Variants in KAZN observed in about 807,000 individuals in gnomAD.
KAZN encodes the protein kazrin.
In KAZN, 40 loss-of-function variants were observed where a neutral mutation model predicts 87.4. That is an observed-to-expected ratio of 0.46 (90% CI 0.36 to 0.60). The LOEUF (loss-of-function observed/expected upper bound fraction) is 0.60, where lower values mean the gene tolerates loss of function less well. KAZN is among the 20% of genes least tolerant of loss of function. The probability of loss-of-function intolerance (pLI) is 0.00; values close to 1 mark genes in which losing one functional copy is unlikely to be tolerated. For synonymous variants in KAZN, 466 were observed against 458.3 expected (o/e 1.02, Z -0.22); for missense variants, 898 against 1,073.9 (o/e 0.84, Z 2.29).
At chr1:14,419,444 T>C (rs983705373) in intron 2 of KAZN, among the ~76,000 whole-genome samples, 3 of 152,184 alleles carry the variant, frequency 2.0e-5, no homozygotes, top group Admixed American at 6.5e-5. Context: ...CCAAAGCCTG[T>C]GCTCTGTCCA....
chr1:14,702,041 G>A (rs138792731), intron 1 of KAZN, among the ~76,000 whole-genome samples: 111 of 152,278 alleles, frequency 7.3e-4, no homozygotes, highest in Non-Finnish European at 1.2e-3. Context: ...GCACATCTTC[G>A]CCTCTGGTCC....
intron 1 of KAZN, among the ~76,000 whole-genome samples, chr1:14,646,457 A>T (rs1237203158): frequency 6.6e-6 from 1 of 152,208 alleles, no homozygotes; most frequent in Non-Finnish European, 1.5e-5. Context: ...GAAAAGAAGC[A>T]TGGTGATAGT....
At chr1:15,048,668 C>CCGGTCCTGGGTCGT (rs1673889668) in intron 4 of KAZN, among the ~76,000 whole-genome samples, 1 of 68,452 alleles carries the variant, frequency 1.5e-5, no homozygotes, top group Non-Finnish European at 2.7e-5. Flanking sequence ...TCCTGGGTCG[C>CCGGTCCTGGGTCGT]TGGTCCTGGG....
intron 1 of KAZN, among the ~76,000 whole-genome samples, chr1:14,601,544 T>TA (rs1471371852): frequency 3.3e-5 from 5 of 151,972 alleles, no homozygotes; most frequent in African/African-American, 1.2e-4. Flanking sequence ...GGTGGTCTGG[T>TA]AGTTTCTTTT....
chr1:14,714,149 C>G (rs1284374125), intron 1 of KAZN, among the ~76,000 whole-genome samples: 1 of 152,116 alleles, frequency 6.6e-6, no homozygotes, highest in Non-Finnish European at 1.5e-5. Flanking sequence ...GGGTGCAGGT[C>G]CCTGCAGTCT....
intron 2 of KAZN, among the ~76,000 whole-genome samples, chr1:14,964,598 CA>C (rs1343446638): frequency 2.0e-5 from 3 of 152,110 alleles, no homozygotes; most frequent in African/African-American, 7.2e-5. Flanking sequence ...AGAAGGAGTC[CA>C]GGGCATGGAA....
chr1:14,819,040 A>G (rs1192611597), intron 1 of KAZN, among the ~76,000 whole-genome samples: 1 of 152,164 alleles, frequency 6.6e-6, no homozygotes, highest in Admixed American at 6.5e-5. Flanking sequence ...GGGCAACAAC[A>G]GCGAAACTCT....
At chr1:14,257,303 T>A (rs1410779767) in intron 2 of KAZN, among the ~76,000 whole-genome samples, 4 of 149,102 alleles carry the variant, frequency 2.7e-5, no homozygotes, top group South Asian at 2.2e-4. Context: ...CTTCGCCCAC[T>A]TTTTGATGGG....
intron 1 of KAZN, among the ~76,000 whole-genome samples, chr1:14,837,452 A>G (rs1409900370): frequency 6.6e-6 from 1 of 151,250 alleles, no homozygotes; most frequent in Non-Finnish European, 1.5e-5. Context: ...GCCTGCCTCA[A>G]CCTCCCAAAG....
Position 14,479,111 on chromosome 1 carries a change from C to G in KAZN, c.250-119872C>G, listed in dbSNP as rs564013576. On this transcript the variant is annotated intron_variant, in intron 2 of 16. Coordinates refer to the KAZN transcript ENST00000636203. ...TCTATCCTCATTAGTTCAGAGTCGC[C>G]CCTGGTGGCATTAACAGCTCCACAC... 4.1e-4 allele frequency among the ~76,000 whole-genome samples: 63 copies of G among 152,232 alleles called. No individual in the cohort carries two copies. The South Asian group carries it at 0.013, about 31-fold the overall frequency.
chr1:14,776,334 G>C (rs1032975783), intron 1 of KAZN, among the ~76,000 whole-genome samples: 2 of 152,170 alleles, frequency 1.3e-5, no homozygotes, highest in African/African-American at 2.4e-5. Flanking sequence ...GTGGGGCCAA[G>C]GAATAGTAAC....
chr1:14,537,523 A>G (rs1248232157), intron 2 of KAZN, among the ~76,000 whole-genome samples: 1 of 152,230 alleles, frequency 6.6e-6, no homozygotes, highest in Non-Finnish European at 1.5e-5. Flanking sequence ...TTCCTAACCC[A>G]TCAGGGAATC....
intron 1 of KAZN, among the ~76,000 whole-genome samples, chr1:14,109,730 G>A (rs566698357): frequency 7.1e-6 from 1 of 141,820 alleles, no homozygotes; most frequent in South Asian, 2.2e-4. Context: ...CATCAAGAAG[G>A]CAAAGACTGG....
intron 1 of KAZN, among the ~76,000 whole-genome samples, chr1:14,014,524 C>CTTGTTCT (rs1465159534): frequency 6.6e-6 from 1 of 152,064 alleles, no homozygotes; most frequent in Non-Finnish European, 1.5e-5. Context: ...ACAAGAGTCC[C>CTTGTTCT]TTGGGTCAAA....
chr1:14,958,021 C>T (rs2101752267), intron 1 of KAZN, among the ~76,000 whole-genome samples: 1 of 152,302 alleles, frequency 6.6e-6, no homozygotes, highest in South Asian at 2.1e-4. Context: ...GGAACAGGGG[C>T]TGGAGTTGCC....
At chr1:14,689,932 A>C (rs1218876146) in intron 1 of KAZN, among the ~76,000 whole-genome samples, 2 of 152,224 alleles carry the variant, frequency 1.3e-5, no homozygotes, top group Admixed American at 1.3e-4. Flanking sequence ...CCCAATTAAC[A>C]GAGTGAAAGG....
chr1:14,524,269 G>A (rs561157532), intron 2 of KAZN, among the ~76,000 whole-genome samples: 4 of 152,134 alleles, frequency 2.6e-5, no homozygotes, highest in East Asian at 1.9e-4. Context: ...TGGTCCACTC[G>A]CCTCAGCCTC....
chr1:14,259,452 ACCT>A (rs1402849374), intron 2 of KAZN, among the ~76,000 whole-genome samples: 1 of 151,728 alleles, frequency 6.6e-6, no homozygotes, highest in Non-Finnish European at 1.5e-5. Context: ...CAGCACCAAG[ACCT>A]CCTTTTTAAC....
chr1:13,966,886 C>G (rs1283704564), intron 1 of KAZN, among the ~76,000 whole-genome samples: 1 of 152,058 alleles, frequency 6.6e-6, no homozygotes, highest in Non-Finnish European at 1.5e-5. Flanking sequence ...TTTAAATGCA[C>G]TATCAGAAAA....
Sources: allele counts gnomAD v4.1 joint callset (sites outside exome capture counted in the v4.1 genomes callset), GRCh38; gene constraint gnomAD v4.1.1; transcripts MANE v1.5; gene names NCBI Gene and HGNC (gene_info 2026-07-23, HGNC 2026-07-21).